Variants in BCAS4 observed in about 807,000 individuals in gnomAD.
BCAS4 encodes breast carcinoma-amplified sequence 4.
A neutral mutation model predicts 15.7 loss-of-function variants in BCAS4; 9 were observed. The observed-to-expected ratio is 0.57, with a 90% confidence interval of 0.34 to 1.00. The LOEUF is 1.00. Ranked by LOEUF, BCAS4 falls within the 50% of genes least tolerant of loss-of-function variation. The probability of loss-of-function intolerance (pLI) is 0.02; values close to 1 mark genes in which losing one functional copy is unlikely to be tolerated. For missense variants in BCAS4, 225 were observed against 239.1 expected (o/e 0.94, Z 0.39); for synonymous variants, 101 against 99.5 (o/e 1.02, Z -0.09).
At chr20:50,850,148 C>T (rs1452308311) in intron 4 of BCAS4, among the ~76,000 whole-genome samples, 1 of 152,160 alleles carries the variant, frequency 6.6e-6, no homozygotes, top group Non-Finnish European at 1.5e-5. Flanking sequence ...TGGAACTCTT[C>T]AACTCTAAAC....
At chr20:50,818,693 A>G (rs957244344) in intron 2 of BCAS4, among the ~76,000 whole-genome samples, 5 of 152,214 alleles carry the variant, frequency 3.3e-5, no homozygotes, top group African/African-American at 1.2e-4. Flanking sequence ...CAGGCCTGCG[A>G]GGCCTAGGAG....
At chr20:50,848,827 G>A (rs1050403822) in intron 4 of BCAS4, among the ~76,000 whole-genome samples, 3 of 152,254 alleles carry the variant, frequency 2.0e-5, no homozygotes, top group Non-Finnish European at 2.9e-5. Flanking sequence ...CCCTTGCCAG[G>A]TCTCAGGGCC....
intron 4 of BCAS4, among the ~76,000 whole-genome samples, chr20:50,861,488 G>A (rs1014169908): frequency 3.9e-5 from 6 of 152,222 alleles, no homozygotes; most frequent in Non-Finnish European, 8.8e-5. Flanking sequence ...AGGCGAGATG[G>A]CCTCCGTCCA....
At chr20:50,801,850 C>A (rs1472938984) in intron 1 of BCAS4, among the ~76,000 whole-genome samples, 1 of 151,912 alleles carries the variant, frequency 6.6e-6, no homozygotes, top group African/African-American at 2.4e-5. Flanking sequence ...TGGGAAGGAC[C>A]GGAGGGCAAA....
intron 2 of BCAS4, 76 bp from the exon 3 acceptor site, chr20:50,830,203 C>A: frequency 1.6e-6 from 2 of 1,283,588 alleles, no homozygotes; most frequent in Non-Finnish European, 1.1e-6. Flanking sequence ...TGTGTAGACC[C>A]TGGCCAACCT....
intron 2 of BCAS4, among the ~76,000 whole-genome samples, chr20:50,819,192 A>G (rs1040586853): frequency 4.0e-5 from 6 of 151,802 alleles, no homozygotes; most frequent in African/African-American, 1.2e-4. Context: ...CAAAAAAAAA[A>G]GAAAAGAAAA....
At chr20:50,834,068 G>C (rs7274268) in intron 3 of BCAS4, among the ~76,000 whole-genome samples, 29,272 of 152,024 alleles carry the variant, frequency 0.19, 3,882 homozygotes, top group African/African-American at 0.38. Flanking sequence ...TCAGGAATGA[G>C]ACGGAGTGAG....
chr20:50,844,308 C>T (rs1235355421), intron 4 of BCAS4, among the ~76,000 whole-genome samples: 1 of 152,068 alleles, frequency 6.6e-6, no homozygotes, highest in Non-Finnish European at 1.5e-5. Context: ...ATGGCATGCA[C>T]CTGTGGCCCT....
intron 1 of BCAS4, among the ~76,000 whole-genome samples, chr20:50,810,427 A>G (rs997901511): frequency 9.9e-5 from 15 of 152,072 alleles, no homozygotes; most frequent in Admixed American, 3.9e-4. Context: ...TGGAAGGCCA[A>G]CTTTGAAACA....
intron 4 of BCAS4, among the ~76,000 whole-genome samples, chr20:50,866,412 C>A: frequency 6.6e-6 from 1 of 152,242 alleles, no homozygotes; most frequent in Non-Finnish European, 1.5e-5. Flanking sequence ...AGTGACAAAC[C>A]AGACAGCGCA....
At chr20:50,844,153 A>G (rs1443889862) in intron 4 of BCAS4, among the ~76,000 whole-genome samples, 1 of 151,830 alleles carries the variant, frequency 6.6e-6, no homozygotes, top group East Asian at 1.9e-4. Flanking sequence ...GTCTCACAAA[A>G]AAAAGCACAT....
At chr20:50,807,555 A>G (rs551889086) in intron 1 of BCAS4, among the ~76,000 whole-genome samples, 2 of 152,300 alleles carry the variant, frequency 1.3e-5, no homozygotes, top group South Asian at 4.1e-4. Flanking sequence ...GTTTGGTTAC[A>G]TGAATAAGTT....
intron 4 of BCAS4, among the ~76,000 whole-genome samples, chr20:50,871,643 T>G (rs562456990): frequency 2.6e-5 from 4 of 152,348 alleles, no homozygotes; most frequent in Admixed American, 6.5e-5. Context: ...GTTCACGCGC[T>G]CCAAGTGATA....
chr20:50,871,563 G>A (rs1979645893), intron 4 of BCAS4, among the ~76,000 whole-genome samples: 2 of 152,250 alleles, frequency 1.3e-5, no homozygotes, highest in Admixed American at 6.5e-5. Context: ...GTGGCTTAAA[G>A]AAAGAAGAGA....
intron 1 of BCAS4, among the ~76,000 whole-genome samples, chr20:50,803,851 A>G (rs1272093129): frequency 6.6e-6 from 1 of 150,380 alleles, no homozygotes; most frequent in Non-Finnish European, 1.5e-5. Context: ...GCTTGCCCCC[A>G]TCCCTGAGTA....
intron 1 of BCAS4, among the ~76,000 whole-genome samples, chr20:50,817,749 G>A (rs186295418): frequency 1.3e-5 from 2 of 152,068 alleles, no homozygotes; most frequent in African/African-American, 4.8e-5. Flanking sequence ...ATCTGACACC[G>A]TCTGCAGCTT....
chr20:50,797,572 A>T (rs984204196), intron 1 of BCAS4, among the ~76,000 whole-genome samples: 1 of 152,140 alleles, frequency 6.6e-6, no homozygotes, highest in Admixed American at 6.6e-5. Context: ...AATAACACGA[A>T]CAAAAATTTA....
At chr20:50,818,317 C>CGTGGGTTT (rs778882207) in intron 2 of BCAS4, 35 bp downstream of exon 2, 375 of 1,189,270 alleles carry the variant, frequency 3.2e-4, no homozygotes, top group African/African-American at 6.4e-4. Context: ...GGTTTAGGCC[C>CGTGGGTTT]AGGCCAGACT....
At chr20:50,862,885 G>A (rs1332025472) in intron 4 of BCAS4, among the ~76,000 whole-genome samples, 1 of 152,132 alleles carries the variant, frequency 6.6e-6, no homozygotes, top group Non-Finnish European at 1.5e-5. Context: ...TGTCACCCAG[G>A]CTAGAATGCA....
Sources: gnomAD v4.1 joint callset for allele counts (sites outside exome capture counted in the v4.1 genomes callset) on GRCh38, gnomAD v4.1.1 for gene constraint, MANE v1.5 for transcripts, NCBI Gene and HGNC (gene_info 2026-07-23, HGNC 2026-07-21) for gene names.